The following APP variants were observed in gnomAD, a reference collection of about 807,000 sequenced individuals.
APP encodes the protein amyloid-beta precursor protein.
Under a neutral mutation model 101.4 loss-of-function variants are expected in APP, and 31 were observed. The observed-to-expected ratio is 0.31, with a 90% CI of 0.23 to 0.41. APP has a LOEUF of 0.41. Ranked by LOEUF, APP falls within the 10% of genes least tolerant of loss-of-function variation. APP has a pLI of 1.00. For synonymous variants in APP, 366 were observed against 364.4 expected (o/e 1.00, Z -0.05); for missense variants, 839 against 1,003.7 (o/e 0.84, Z 2.22).
chr21:26,027,089 G>A (rs2146803699), intron 5 of APP, among the ~76,000 whole-genome samples: 1 of 152,250 alleles, frequency 6.6e-6, no homozygotes, highest in African/African-American at 2.4e-5. Context: ...TAAACAGGGA[G>A]GAAATGACAG....
At chr21:26,051,243 T>C (rs1438173515) in intron 4 of APP, 50 bp from the exon 5 acceptor site, 2 of 1,543,236 alleles carry the variant, frequency 1.3e-6, no homozygotes, top group South Asian at 2.3e-5. Flanking sequence ...ATGTGTTTCA[T>C]TGTAAGAAAA....
intron 1 of APP, among the ~76,000 whole-genome samples, chr21:26,148,165 A>G: frequency 6.6e-6 from 1 of 152,208 alleles, no homozygotes; most frequent in Non-Finnish European, 1.5e-5. Context: ...CCCTTCAAAA[A>G]GATCTCTCAA....
intron 1 of APP, among the ~76,000 whole-genome samples, chr21:26,141,752 T>C (rs1339940169): frequency 1.3e-5 from 2 of 152,192 alleles, no homozygotes; most frequent in Non-Finnish European, 2.9e-5. Flanking sequence ...TACTTTTCTA[T>C]CGGTTCCAGT....
At position 25,881,559 on chromosome 21, in the gene APP, G is replaced by A. The variant is rs2036984011; in HGVS notation, c.*111C>T. ...CACAGCTGTCAAAAGGCGATAATGA[G>A]TAAATCATAAAACGGGTTTGTTTCT... On this transcript the variant is annotated 3_prime_UTR_variant, in exon 18 of 18. Transcript: ENST00000346798. 4.0e-6 allele frequency: 5 copies of A among 1,261,092 alleles called. No individual in the cohort carries two copies. Among genetic ancestry groups the A allele is most frequent in the Admixed American group, 1.7e-5 (1 of 59,294 alleles). 78.1% of individuals were successfully genotyped at this position (1,261,092 alleles called of 1,614,324 possible). A position where few individuals can be genotyped will look rare whatever the true frequency, so the allele number is the denominator to read the frequency against.
At chr21:26,165,134 G>T (rs952381760) in intron 1 of APP, among the ~76,000 whole-genome samples, 2 of 152,154 alleles carry the variant, frequency 1.3e-5, no homozygotes, top group Non-Finnish European at 2.9e-5. Flanking sequence ...ACAACAATCT[G>T]TCAATTTCCT....
chr21:25,914,531 G>A (rs1206200524), intron 13 of APP, among the ~76,000 whole-genome samples: 1 of 145,656 alleles, frequency 6.9e-6, no homozygotes, highest in African/African-American at 2.6e-5. Flanking sequence ...GCCTCTGGAG[G>A]ATGCAGCCAC....
At chr21:26,077,097 A>G (rs941730615) in intron 3 of APP, among the ~76,000 whole-genome samples, 2 of 152,004 alleles carry the variant, frequency 1.3e-5, no homozygotes, top group African/African-American at 4.8e-5. Flanking sequence ...GAAAAAAAGA[A>G]ATTTTCCAGA....
intron 1 of APP, among the ~76,000 whole-genome samples, chr21:26,145,969 C>G (rs901614577): frequency 6.6e-6 from 1 of 152,164 alleles, no homozygotes; most frequent in African/African-American, 2.4e-5. Flanking sequence ...ATATCCTCAT[C>G]TGTGCGCATT....
intron 3 of APP, among the ~76,000 whole-genome samples, chr21:26,065,300 T>C (rs2146013847): frequency 6.6e-6 from 1 of 152,284 alleles, no homozygotes; most frequent in South Asian, 2.1e-4. Flanking sequence ...ATCAACATTC[T>C]AGCCTTCAAA....
intron 5 of APP, among the ~76,000 whole-genome samples, chr21:26,045,812 C>A (rs2045583811): frequency 6.6e-6 from 1 of 152,180 alleles, no homozygotes; most frequent in Non-Finnish European, 1.5e-5. Flanking sequence ...CGCACCCACA[C>A]AAGCCACCCC....
rs975249008 is a variant in APP at position 25,881,364 on chromosome 21, GATAA to G, written c.*302_*305del. On this transcript the variant is annotated 3_prime_UTR_variant, in exon 18 of 18. Transcript: ENST00000346798. ...TATACAACTGGCTAAGGGGCTATGT[GATAA>G]ATAATCAGGAGAGAATCTATTCATG... The G allele has an allele frequency of 1.1e-4, 50 of 436,634 alleles. No homozygotes were observed. Among genetic ancestry groups the G allele is most frequent in the African/African-American group, 7.8e-4 (39 of 49,888 alleles). 27.0% of individuals were successfully genotyped at this position (436,634 alleles called of 1,614,324 possible).
At chr21:25,999,832 A>C (rs2043211054) in intron 7 of APP, among the ~76,000 whole-genome samples, 183 bp downstream of exon 7, 1 of 152,228 alleles carries the variant, frequency 6.6e-6, no homozygotes, top group African/African-American at 2.4e-5. Flanking sequence ...GGAAAGACGG[A>C]GAGGTGTGCT....
At chr21:26,160,606 A>G (rs868059624) in intron 1 of APP, among the ~76,000 whole-genome samples, 23 of 152,134 alleles carry the variant, frequency 1.5e-4, no homozygotes, top group African/African-American at 5.3e-4. Flanking sequence ...ATATTTTTTT[A>G]AAGGGCCAAT....
At chr21:25,905,879 G>A (rs563680612) in intron 14 of APP, among the ~76,000 whole-genome samples, 12 of 152,232 alleles carry the variant, frequency 7.9e-5, no homozygotes, top group East Asian at 1.9e-4. Flanking sequence ...TTACGCTGGC[G>A]TTTGAAGAAA....
At chr21:25,977,797 C>T (rs1015577024) in intron 9 of APP, among the ~76,000 whole-genome samples, 1 of 152,178 alleles carries the variant, frequency 6.6e-6, no homozygotes, top group Admixed American at 6.5e-5. Context: ...AACATATTGT[C>T]CCATCTGCTT....
Position 25,884,523 on chromosome 21 carries a change from C to CTT in APP, c.2212-2754_2212-2753dup, listed in dbSNP as rs2037198228. ...TGGTAACTGTGTAATTAGCCTCCAA[C>CTT]TTGTAAGTTAAAAACCATGGTTAAA... On this transcript the variant is annotated intron_variant, in intron 17 of 17. Coordinates refer to ENST00000346798, the MANE Select transcript of APP (RefSeq NM_000484.4). Among the ~76,000 whole-genome samples, 3 of 152,300 alleles carry CTT rather than the reference C, an allele frequency of 2.0e-5. No individual in the cohort carries two copies. In the South Asian group the frequency reaches 6.2e-4, roughly 32 times the overall value.
At chr21:26,008,315 G>A (rs1424562893) in intron 6 of APP, among the ~76,000 whole-genome samples, 1 of 152,190 alleles carries the variant, frequency 6.6e-6, no homozygotes, top group East Asian at 1.9e-4. Context: ...GGGTACCACT[G>A]TGGTTTTTCC....
Position 25,905,044 on chromosome 21 carries a change from C to T in APP, c.1943G>A (p.Arg648Gln), listed in dbSNP as rs765412723. ...EPVDARPAAD[R>Q]GLTTRPGSGL... The stretch of plus-strand genomic sequence containing the variant: ...GATACCTGGTCGAGTGGTCAGTCCT[C>T]GGTCGGCAGCAGGGCGGGCATCAAC... Residue 648 changes from arginine to glutamine, a missense_variant, in exon 15 of 18, where the codon CGA (arginine) becomes CAA (glutamine). Arg to Gln is a conservative substitution (Grantham distance 43). Transcript: ENST00000346798. The T allele has an allele frequency of 7.4e-6, 12 of 1,613,838 alleles. No individual in the cohort carries two copies. The highest frequency in any genetic ancestry group is 4.5e-5 in the East Asian group (2 of 44,872).
chr21:25,912,657 T>C (rs1371743112), intron 13 of APP, among the ~76,000 whole-genome samples: 9 of 152,168 alleles, frequency 5.9e-5, no homozygotes, highest in African/African-American at 2.2e-4. Context: ...TATTTCCCAA[T>C]GTGAGCAGAC....
Sources: allele counts gnomAD v4.1 joint callset (sites outside exome capture counted in the v4.1 genomes callset), GRCh38; gene constraint gnomAD v4.1.1; transcripts MANE v1.5; gene names NCBI Gene and HGNC (gene_info 2026-07-23, HGNC 2026-07-21).